The following PRSS12 variants were observed in gnomAD, a reference collection of about 807,000 sequenced individuals.
PRSS12 encodes the protein neurotrypsin.
PRSS12 carries 85 observed loss-of-function variants against 104.4 expected under a neutral mutation model. The ratio of observed to expected loss-of-function variants is 0.81; its 90% CI spans 0.68 to 0.98. PRSS12 has a LOEUF of 0.98. Ranked by LOEUF, PRSS12 falls within the 50% of genes least tolerant of loss-of-function variation. The pLI is 0.00. For synonymous variants in PRSS12, 454 were observed against 425.2 expected (o/e 1.07, Z -0.83); for missense variants, 1,141 against 1,139.2 (o/e 1.00, Z -0.02).
chr4:118,352,957 GC>G lies in PRSS12; in HGVS notation c.-238del. The G allele has an allele frequency of 9.0e-7, 1 of 1,110,540 alleles. No individual in the cohort carries two copies. Among genetic ancestry groups the G allele is most frequent in the Non-Finnish European group, 1.2e-6 (1 of 839,550 alleles). 68.8% of individuals were successfully genotyped at this position (1,110,540 alleles called of 1,614,324 possible). On this transcript the variant is annotated 5_prime_UTR_variant, in exon 1 of 13. Transcript: ENST00000296498. ...GTGGGGAAATCTGGAGCTCAGCCGAGCCCCGGCCGGCGGAGAGGACCGGAAA... is the reference window on the plus strand; with the variant it reads ...GTGGGGAAATCTGGAGCTCAGCCGAGCCCGGCCGGCGGAGAGGACCGGAAA...
rs1723517262 is a variant in PRSS12 at position 118,318,574 on chromosome 4, T to TGAA, written c.972-19_972-18insTTC. 1 of 1,611,820 alleles carries TGAA rather than the reference T, an allele frequency of 6.2e-7. No individual in the cohort carries two copies. On this transcript the variant is annotated intron_variant, in intron 4 of 12. Transcript: ENST00000296498. ...CAATGCCACTGAACAAATAAAAGAA[T>TGAA]GTAAGGATTCTGGATTAGATACCAA...
intron 2 of PRSS12, 79 bp downstream of exon 2, chr4:118,338,097 C>G: frequency 6.4e-7 from 1 of 1,563,764 alleles, no homozygotes; most frequent in Non-Finnish European, 8.8e-7. Flanking sequence ...AAGATACAAG[C>G]TTTACAAAGC....
At chr4:118,307,462 C>T (rs1002465121) in intron 8 of PRSS12, among the ~76,000 whole-genome samples, 9 of 152,176 alleles carry the variant, frequency 5.9e-5, no homozygotes, top group Admixed American at 5.9e-4. Flanking sequence ...ATTTTTAAAT[C>T]CAAATTACTA....
Position 118,316,438 on chromosome 4 carries a change from G to A in PRSS12, c.1151-115C>T, listed in dbSNP as rs10024269. ...ATTCAGGCCTCACTCTAGGCCTTTTGCTAAACTTACATTACATCTGTGCTA... is the reference window on the plus strand; with the variant it reads ...ATTCAGGCCTCACTCTAGGCCTTTTACTAAACTTACATTACATCTGTGCTA... On this transcript the variant is annotated intron_variant, in intron 5 of 12. Coordinates refer to ENST00000296498, the MANE Select transcript of PRSS12 (RefSeq NM_003619.4). 7.6e-5 allele frequency: 100 copies of A among 1,316,536 alleles called. No individual in the cohort carries two copies. In the African/African-American group the frequency reaches 1.3e-3, roughly 17 times the overall value. 81.6% of individuals were successfully genotyped at this position (1,316,536 alleles called of 1,614,324 possible). A position where few individuals can be genotyped will look rare whatever the true frequency, so the allele number is the denominator to read the frequency against.
rs1275178229 is a variant in PRSS12 at position 118,318,323 on chromosome 4, G to A, written c.1150+55C>T. The A allele has an allele frequency of 2.6e-6, 4 of 1,551,978 alleles. No homozygotes were observed. In the East Asian group the frequency reaches 6.8e-5, roughly 26 times the overall value. ...ATTAAGGAGAAGGGAAGCTGTGGCA[G>A]GCCGACATGGTACTGGGGGCAAGAA... is the stretch of plus-strand genomic sequence containing the variant. On this transcript the variant is annotated intron_variant, in intron 5 of 12. Transcript: ENST00000296498.
chr4:118,352,775 G>A lies in PRSS12; in HGVS notation c.-55C>T, dbSNP rs1338474757. 15 of 1,603,728 alleles carry A rather than the reference G, an allele frequency of 9.4e-6. No homozygotes were observed. The East Asian group carries it at 2.9e-4, about 31-fold the overall frequency. ...CTCCCCAGCTTCTCGGGCTTGGAGC[G>A]GAGAAGAGGAGGGGGCGGGGGCGGG... On this transcript the variant is annotated 5_prime_UTR_variant, in exon 1 of 13. Coordinates refer to ENST00000296498, the MANE Select transcript of PRSS12 (RefSeq NM_003619.4).
At chr4:118,300,664 A>G (rs1743383983) in intron 8 of PRSS12, among the ~76,000 whole-genome samples, 1 of 152,164 alleles carries the variant, frequency 6.6e-6, no homozygotes. Context: ...TAAAATTGAT[A>G]AACTTAAAAA....
At chr4:118,304,572 T>A (rs563888307) in intron 8 of PRSS12, among the ~76,000 whole-genome samples, 28 of 151,942 alleles carry the variant, frequency 1.8e-4, no homozygotes, top group African/African-American at 5.8e-4. Flanking sequence ...AACAAACATG[T>A]TCAAAAACAA....
chr4:118,311,393 T>G (rs1045714235), intron 7 of PRSS12, among the ~76,000 whole-genome samples: 2 of 152,162 alleles, frequency 1.3e-5, no homozygotes, highest in African/African-American at 4.8e-5. Context: ...AGCCTTCAAA[T>G]AGCTGAAAAC....
chr4:118,343,492 A>T lies in PRSS12; in HGVS notation c.503-5178T>A, dbSNP rs552380533. Among the ~76,000 whole-genome samples, 8 of 152,370 alleles carry T rather than the reference A, an allele frequency of 5.3e-5. 1 individual carries two copies. The highest frequency in any genetic ancestry group is 5.2e-4 in the Admixed American group (8 of 15,300). Reference sequence around the variant, plus strand: ...GAAATAGGAGAAAAGGAACCAAATGAGTCAACTATCTTCATTCTATATACC... The same window carrying T: ...GAAATAGGAGAAAAGGAACCAAATGTGTCAACTATCTTCATTCTATATACC... On this transcript the variant is annotated intron_variant, in intron 1 of 12. Coordinates refer to ENST00000296498, the MANE Select transcript of PRSS12 (RefSeq NM_003619.4).
chr4:118,321,560 A>G (rs1420120423), intron 4 of PRSS12, among the ~76,000 whole-genome samples: 3 of 152,182 alleles, frequency 2.0e-5, no homozygotes, highest in African/African-American at 7.2e-5. Context: ...GGTTGTAGGA[A>G]TTAAACTGAT....
At position 118,313,201 on chromosome 4, in the gene PRSS12, C is replaced by T. The variant is rs142443981; in HGVS notation, c.1489G>A (p.Gly497Ser). ...CTTGAGAGCTGCAGCCAGTCCTCAC[C>T]CAGAGAGAGCCTGTGTCCCTCGCCG... Reference protein sequence around the residue: ...PGGEGHRLSLGFPVRLMDGEN... With the variant: ...PGGEGHRLSLSFPVRLMDGEN... The change falls in exon 7 of 13, where the codon GGT becomes AGT. Residue 497 changes from glycine to serine, a missense_variant and splice_region_variant. Gly to Ser is a moderately conservative substitution (Grantham distance 56). Coordinates refer to ENST00000296498, the MANE Select transcript of PRSS12 (RefSeq NM_003619.4). 8.7e-6 allele frequency: 14 copies of T among 1,612,450 alleles called. No homozygotes were observed. The Admixed American group carries it at 2.0e-4, about 23-fold the overall frequency.
rs1743046708 is a variant in PRSS12 at position 118,287,864 on chromosome 4, A to G, written c.2040-4753T>C. ...CATTTCAGGTTTTGGCTGACACATC[A>G]TTCAGTTGTTTGCTTTGCTGAAATG... is the stretch of plus-strand genomic sequence containing the variant. On this transcript the variant is annotated intron_variant, in intron 11 of 12. Coordinates refer to ENST00000296498, the MANE Select transcript of PRSS12 (RefSeq NM_003619.4). Among the ~76,000 whole-genome samples, 3 of 152,330 alleles carry G rather than the reference A, an allele frequency of 2.0e-5. No individual in the cohort carries two copies. In the South Asian group the frequency reaches 6.2e-4, roughly 32 times the overall value.
chr4:118,317,941 T>G (rs560194831), intron 5 of PRSS12, among the ~76,000 whole-genome samples: 1 of 152,176 alleles, frequency 6.6e-6, no homozygotes, highest in Non-Finnish European at 1.5e-5. Flanking sequence ...AGTCTGAAAA[T>G]TGTGCATAGC....
At position 118,352,207 on chromosome 4, in the gene PRSS12, G is replaced by A. The variant is rs140025726; in HGVS notation, c.502+12C>T. 7.8e-4 allele frequency: 1,252 copies of A among 1,610,938 alleles called. 12 individuals are homozygous for A. The African/African-American group carries it at 0.015, about 20-fold the overall frequency. ...CGTCCGGAGTTTCCGCGGCCGCCCC[G>A]AGGCCACTAACCGTGTCTGCAGTCG... is the stretch of plus-strand genomic sequence containing the variant. On this transcript the variant is annotated intron_variant, in intron 1 of 12. Coordinates refer to ENST00000296498, the MANE Select transcript of PRSS12 (RefSeq NM_003619.4).
At chr4:118,304,170 ATGTG>A (rs1191781733) in intron 8 of PRSS12, among the ~76,000 whole-genome samples, 2 of 151,720 alleles carry the variant, frequency 1.3e-5, no homozygotes, top group African/African-American at 4.8e-5. Context: ...GTGTATATGT[ATGTG>A]TGTATGTGTG....
chr4:118,351,048 T>C (rs12503632), intron 1 of PRSS12, among the ~76,000 whole-genome samples: 43,265 of 152,090 alleles, frequency 0.28, 7,795 homozygotes, highest in Middle Eastern at 0.44. Context: ...GAAACACAAG[T>C]AAAGCGATGA....
rs190025554 is a variant in PRSS12, at chr4:118,287,589, T to C, written c.2040-4478A>G. ...AAGAGCATCTGACACAAGATTGGAA[T>C]AGTTTTCCAACCAAATTTTTGTCTT... On this transcript the variant is annotated intron_variant, in intron 11 of 12. Coordinates refer to ENST00000296498, the MANE Select transcript of PRSS12 (RefSeq NM_003619.4). 2.6e-5 allele frequency among the ~76,000 whole-genome samples: 4 copies of C among 152,362 alleles called. No homozygotes were observed. The East Asian group carries it at 5.8e-4, about 22-fold the overall frequency.
chr4:118,340,803 G>A (rs1484835042), intron 1 of PRSS12, among the ~76,000 whole-genome samples: 3 of 152,180 alleles, frequency 2.0e-5, no homozygotes, highest in African/African-American at 4.8e-5. Context: ...CCATTTTTAT[G>A]TTCAGGTTTA....
Sources: allele counts gnomAD v4.1 joint callset (sites outside exome capture counted in the v4.1 genomes callset), GRCh38; gene constraint gnomAD v4.1.1; transcripts MANE v1.5; gene names NCBI Gene and HGNC (gene_info 2026-07-23, HGNC 2026-07-21).